The following EP300 variants were observed in gnomAD, a reference collection of about 807,000 sequenced individuals.
EP300 encodes EP300 lysine acetyltransferase.
Under a neutral mutation model 264.0 loss-of-function variants are expected in EP300, and 31 were observed. The ratio of observed to expected loss-of-function variants is 0.12; its 90% confidence interval spans 0.09 to 0.16. The LOEUF (loss-of-function observed/expected upper bound fraction) is 0.16. EP300 is among the 10% of genes least tolerant of loss of function. The probability of loss-of-function intolerance (pLI) is 1.00; values close to 1 mark genes in which losing one functional copy is unlikely to be tolerated. For missense variants in EP300, 2,766 were observed against 3,052.9 expected, an observed-to-expected ratio of 0.91 and a Z score of 2.21; for synonymous variants, 1,340 against 1,045.4, an observed-to-expected ratio of 1.28 and a Z score of -5.44.
intron 8 of EP300, among the ~76,000 whole-genome samples, chr22:41,139,603 C>A (rs1011352980): frequency 6.6e-6 from 1 of 152,148 alleles, no homozygotes. Flanking sequence ...GATACTAGTG[C>A]AAAACATTTT....
At chr22:41,130,548 C>A (rs1394413801) in intron 5 of EP300, among the ~76,000 whole-genome samples, 1 of 151,616 alleles carries the variant, frequency 6.6e-6, no homozygotes, top group Non-Finnish European at 1.5e-5. Flanking sequence ...CAAAACAAAA[C>A]AAAACAAAAA....
At chr22:41,147,979 C>T in intron 12 of EP300, 33 bp downstream of exon 12, 1 of 1,447,004 alleles carries the variant, frequency 6.9e-7, no homozygotes, top group Non-Finnish European at 9.5e-7. Context: ...TCTCTTTGGC[C>T]TTTACCTGGT....
At position 41,168,748 on chromosome 22, in the gene EP300, A is replaced by G. The variant is rs2145763403; in HGVS notation, c.4053A>G (p.Glu1351=). Reference sequence around the variant, plus strand: ...TTGTGGACAGTGGAGAGATGGCAGAATCCTTTCCATACCGAACCAAAGCCC... The same window carrying G: ...TTGTGGACAGTGGAGAGATGGCAGAGTCCTTTCCATACCGAACCAAAGCCC... ...ARFVDSGEMA[E]SFPYRTKALF... is the part of the protein sequence containing the mutation. Residue 1351 remains glutamate, a synonymous_variant, in exon 25 of 31, where the codon GAA becomes GAG. Coordinates refer to ENST00000263253, the MANE Select transcript of EP300 (RefSeq NM_001429.4). 6 of 1,614,186 alleles carry G rather than the reference A, an allele frequency of 3.7e-6. No individual in the cohort carries two copies. Among genetic ancestry groups the G allele is most frequent in the Non-Finnish European group, 5.1e-6 (6 of 1,180,034 alleles).
At chr22:41,142,068 TATG>T (rs1364890828) in intron 10 of EP300, among the ~76,000 whole-genome samples, 1 of 152,230 alleles carries the variant, frequency 6.6e-6, no homozygotes, top group African/African-American at 2.4e-5. Flanking sequence ...TAGCCAAGAC[TATG>T]ATAAATAGTC....
In EP300 at chr22:41,179,144, A is replaced by G; in HGVS notation, c.*188A>G. On this transcript the variant is annotated 3_prime_UTR_variant, in exon 31 of 31. Transcript: ENST00000263253. ...AGATGAACCTGAGGGATGATAGAATACAAAGAATATATTTTTGTTATGGCT... is the reference window on the plus strand; with the variant it reads ...AGATGAACCTGAGGGATGATAGAATGCAAAGAATATATTTTTGTTATGGCT... 1 of 656,132 alleles carries G rather than the reference A, an allele frequency of 1.5e-6. No homozygotes were observed. Among genetic ancestry groups the G allele is most frequent in the Non-Finnish European group, 2.6e-6 (1 of 388,722 alleles). The allele number at this position is 656,132 out of a possible 1,614,324, so 40.6% of individuals were successfully genotyped here.
Position 41,157,420 on chromosome 22 carries a change from G to A in EP300, c.3501+12G>A, listed in dbSNP as rs770501339. 2.6e-6 allele frequency: 4 copies of A among 1,557,188 alleles called. No individual in the cohort carries two copies. The highest frequency in any genetic ancestry group is 3.5e-6 in the Non-Finnish European group (4 of 1,144,380). On this transcript the variant is annotated intron_variant, in intron 18 of 30. Coordinates refer to ENST00000263253, the MANE Select transcript of EP300 (RefSeq NM_001429.4). Reference sequence around the variant, plus strand: ...GTTGTGGCAGAAAGGTAAGAAATGTGTTTCAGATTTGACTTTAACTTTTCT... The same window carrying A: ...GTTGTGGCAGAAAGGTAAGAAATGTATTTCAGATTTGACTTTAACTTTTCT...
chr22:41,140,582 G>C (rs977394338), intron 9 of EP300, among the ~76,000 whole-genome samples: 1 of 152,040 alleles, frequency 6.6e-6, no homozygotes, highest in Non-Finnish European at 1.5e-5. Flanking sequence ...TGAGGTGGGC[G>C]GATCACTTGA....
chr22:41,164,990 G>A (rs2059126647), intron 22 of EP300, among the ~76,000 whole-genome samples: 1 of 152,146 alleles, frequency 6.6e-6, no homozygotes, highest in African/African-American at 2.4e-5. Context: ...TCTGTTCTTG[G>A]GCTGATTGTT....
chr22:41,156,952 A>G (rs927550922), intron 17 of EP300, among the ~76,000 whole-genome samples: 1 of 152,226 alleles, frequency 6.6e-6, no homozygotes, highest in Non-Finnish European at 1.5e-5. Flanking sequence ...ATGTCTAGAA[A>G]GTCCATAGTA....
chr22:41,177,861 C>G lies in EP300; in HGVS notation c.6150C>G (p.Ala2050=). 1 of 1,614,194 alleles carries G rather than the reference C, an allele frequency of 6.2e-7. No individual in the cohort carries two copies. Among genetic ancestry groups the G allele is most frequent in the South Asian group, 1.1e-5 (1 of 91,084 alleles). ...PLKPGTVSQQ[A]LQNLLRTLRS... ...AACCAGGCACTGTGTCTCAACAAGC[C>G]TTACAAAACCTTTTGCGGACTCTCA... Residue 2050 remains alanine (A), a synonymous_variant, in exon 31 of 31, where the codon GCC becomes GCG. Coordinates refer to ENST00000263253, the MANE Select transcript of EP300 (RefSeq NM_001429.4).
intron 1 of EP300, among the ~76,000 whole-genome samples, chr22:41,097,203 A>T (rs1474410610): frequency 6.6e-6 from 1 of 152,220 alleles, no homozygotes; most frequent in Non-Finnish European, 1.5e-5. Context: ...GTTCATTTAT[A>T]GGACTTCAAG....
chr22:41,150,327 T>C (rs908443942), intron 14 of EP300, 129 bp downstream of exon 14: 21 of 1,169,206 alleles, frequency 1.8e-5, no homozygotes, highest in Non-Finnish European at 2.4e-5. Context: ...TGTAATCTAT[T>C]TTTCATTAGG....
At chr22:41,160,864 T>A in intron 20 of EP300, 142 bp downstream of exon 20, 1 of 770,294 alleles carries the variant, frequency 1.3e-6, no homozygotes. Context: ...GCATATTAAT[T>A]TAAATAAAAA....
Position 41,162,742 on chromosome 22 carries a change from T to A in EP300, c.3691T>A (p.Phe1231Ile), listed in dbSNP as rs936858675. The change falls in exon 21 of 31, where the codon TTT (phenylalanine) becomes ATT (isoleucine). Residue 1231 changes from phenylalanine (F) to isoleucine (I), a missense_variant. Coordinates refer to ENST00000263253, the MANE Select transcript of EP300 (RefSeq NM_001429.4). The stretch of plus-strand genomic sequence containing the variant: ...CCTTAGTACAATAAATAAAGAACAA[T>A]TTTCCAAGAGAAAAAATGACACACT... Reference protein sequence around the residue: ...QPQTTINKEQFSKRKNDTLDP... With the variant: ...QPQTTINKEQISKRKNDTLDP... 1 of 1,612,766 alleles carries A rather than the reference T, an allele frequency of 6.2e-7. No individual in the cohort carries two copies. The highest frequency in any genetic ancestry group is 1.3e-5 in the African/African-American group (1 of 74,882).
intron 7 of EP300, 30 bp downstream of exon 7, chr22:41,135,936 T>G: frequency 6.7e-7 from 1 of 1,502,998 alleles, no homozygotes. Flanking sequence ...ATACCCTGGG[T>G]CACATTACAA....
rs906936794 is a variant in EP300 at position 41,157,534 on chromosome 22, T to C, written c.3501+126T>C. 7.8e-5 allele frequency: 85 copies of C among 1,092,976 alleles called. No individual in the cohort carries two copies. In the African/African-American group the frequency reaches 1.0e-3, roughly 13 times the overall value. 67.7% of individuals were successfully genotyped at this position (1,092,976 alleles called of 1,614,324 possible). A position where few individuals can be genotyped will look rare whatever the true frequency, so the allele number is the denominator to read the frequency against. ...TGGCTTTTTTTTTTTTTTTTTTTTT[T>C]CCTTTTTGACAGGGTCTTATTCTCC... On this transcript the variant is annotated intron_variant, in intron 18 of 30. Transcript: ENST00000263253.
In EP300 at chr22:41,092,946, A is replaced by G. The variant is rs558461796; in HGVS notation, c.-59A>G. The G allele has an allele frequency of 1.7e-5, 27 of 1,600,846 alleles. 1 individual carries two copies. The South Asian group carries it at 3.0e-4, about 18-fold the overall frequency. ...GGTGCGGCGCGGGGACCCCGGGCCG[A>G]AGAAGAGATTTCCTGAGGATTCTGG... On this transcript the variant is annotated 5_prime_UTR_variant, in exon 1 of 31. Coordinates refer to ENST00000263253, the MANE Select transcript of EP300 (RefSeq NM_001429.4).
At chr22:41,143,073 A>G (rs1322579171) in intron 10 of EP300, among the ~76,000 whole-genome samples, 2 of 152,250 alleles carry the variant, frequency 1.3e-5, no homozygotes, top group African/African-American at 2.4e-5. Context: ...AGCCTTAAGT[A>G]TATGTTGACC....
intron 17 of EP300, 66 bp from the exon 18 acceptor site, chr22:41,157,103 A>G (rs1293369545): frequency 6.9e-6 from 11 of 1,599,524 alleles, no homozygotes; most frequent in Non-Finnish European, 9.4e-6. Flanking sequence ...ATGATAATGG[A>G]TGATACTCCA....
Sources: allele counts gnomAD v4.1 joint callset (sites outside exome capture counted in the v4.1 genomes callset), GRCh38; gene constraint gnomAD v4.1.1; transcripts MANE v1.5; gene names NCBI Gene and HGNC (gene_info 2026-07-23, HGNC 2026-07-21).